Variants in OSBPL10 observed in about 807,000 individuals in gnomAD.
OSBPL10 encodes the protein oxysterol-binding protein-related protein 10.
In OSBPL10, 49 loss-of-function variants were observed where a neutral mutation model predicts 81.7. The observed-to-expected ratio is 0.60, with a 90% CI of 0.48 to 0.76. The LOEUF (loss-of-function observed/expected upper bound fraction) is 0.76. Ranked by LOEUF, OSBPL10 falls within the 30% of genes least tolerant of loss-of-function variation. OSBPL10 has a pLI of 0.00. For synonymous variants in OSBPL10, 419 were observed against 383.6 expected (o/e 1.09, Z -1.08); for missense variants, 923 against 987.8 (o/e 0.93, Z 0.88).
intron 6 of OSBPL10, chr3:31,733,026 G>C (rs1306542431): frequency 3.1e-5 from 18 of 572,266 alleles, no homozygotes; most frequent in Non-Finnish European, 5.4e-5. Context: ...AATGAAAATA[G>C]GAGATTCCTC....
intron 4 of OSBPL10, among the ~76,000 whole-genome samples, chr3:31,824,503 T>A (rs1340266300): frequency 6.6e-6 from 1 of 152,204 alleles, no homozygotes; most frequent in South Asian, 2.1e-4. Flanking sequence ...TGCTGACCGA[T>A]GGTTGCTACA....
chr3:32,014,155 T>C (rs951312563), intron 2 of OSBPL10, among the ~76,000 whole-genome samples: 1 of 152,154 alleles, frequency 6.6e-6, no homozygotes, highest in Non-Finnish European at 1.5e-5. Context: ...AAGAGAATTT[T>C]AGACCAATAT....
At chr3:32,074,471 A>G (rs541109072) in intron 1 of OSBPL10, among the ~76,000 whole-genome samples, 20 of 152,284 alleles carry the variant, frequency 1.3e-4, no homozygotes, top group Admixed American at 3.9e-4. Flanking sequence ...AGATGGGAGC[A>G]TTCCAACTTC....
intron 2 of OSBPL10, among the ~76,000 whole-genome samples, chr3:32,027,101 A>G (rs1699422611): frequency 6.6e-6 from 1 of 152,028 alleles, no homozygotes; most frequent in South Asian, 2.1e-4. Context: ...ACATAGGTAT[A>G]CACATACCAT....
intron 6 of OSBPL10, among the ~76,000 whole-genome samples, chr3:31,708,102 T>A (rs1385814674): frequency 1.3e-5 from 2 of 152,198 alleles, no homozygotes; most frequent in African/African-American, 2.4e-5. Flanking sequence ...TTAAAATTTT[T>A]AAATTTTTTA....
intron 1 of OSBPL10, among the ~76,000 whole-genome samples, chr3:32,068,136 A>G (rs993654303): frequency 2.6e-5 from 4 of 151,992 alleles, no homozygotes; most frequent in Non-Finnish European, 4.4e-5. Flanking sequence ...TTTCCTTCCA[A>G]TTCCAGTTGT....
intron 3 of OSBPL10, among the ~76,000 whole-genome samples, chr3:31,862,832 T>C (rs973283500): frequency 6.6e-6 from 1 of 152,164 alleles, no homozygotes; most frequent in Non-Finnish European, 1.5e-5. Flanking sequence ...TGTAAAATGG[T>C]GCAGCTGCTT....
intron 4 of OSBPL10, among the ~76,000 whole-genome samples, chr3:31,821,190 T>C (rs1213515706): frequency 1.3e-5 from 2 of 151,854 alleles, no homozygotes; most frequent in Admixed American, 1.3e-4. Flanking sequence ...GACAATGAGT[T>C]GAGGATTGGT....
chr3:31,931,014 C>CAAAAA (rs60251266), intron 1 of OSBPL10, among the ~76,000 whole-genome samples: 5 of 62,060 alleles, frequency 8.1e-5, no homozygotes, highest in African/African-American at 3.5e-4. Flanking sequence ...GACTCGGTCT[C>CAAAAA]AAAAAAAAAA....
At chr3:32,024,079 C>G (rs1280812365) in intron 2 of OSBPL10, among the ~76,000 whole-genome samples, 3 of 152,204 alleles carry the variant, frequency 2.0e-5, no homozygotes, top group African/African-American at 7.2e-5. Flanking sequence ...ATCCAATACC[C>G]TAATATCACA....
At chr3:31,962,745 C>T (rs535276638) in intron 1 of OSBPL10, among the ~76,000 whole-genome samples, 1 of 152,322 alleles carries the variant, frequency 6.6e-6, no homozygotes, top group Non-Finnish European at 1.5e-5. Context: ...CACATAAAGT[C>T]TTGTCTAGGG....
intron 2 of OSBPL10, chr3:31,990,279 T>A (rs747728301): frequency 6.2e-7 from 1 of 1,614,130 alleles, no homozygotes; most frequent in Non-Finnish European, 8.5e-7. Context: ...TTTATAAATG[T>A]AATGATTGTC....
chr3:31,715,171 C>G (rs1386650091), intron 6 of OSBPL10, among the ~76,000 whole-genome samples: 1 of 152,134 alleles, frequency 6.6e-6, no homozygotes, highest in Non-Finnish European at 1.5e-5. Context: ...AATCCAGAAG[C>G]TGTTAGTCAC....
chr3:31,702,293 G>C, intron 7 of OSBPL10, 66 bp downstream of exon 7: 1 of 1,552,998 alleles, frequency 6.4e-7, no homozygotes. Context: ...TGTGCATAGA[G>C]AAGGCTTGAG....
intron 4 of OSBPL10, among the ~76,000 whole-genome samples, chr3:31,788,513 G>A (rs1248234419): frequency 6.6e-6 from 1 of 152,096 alleles, no homozygotes; most frequent in Non-Finnish European, 1.5e-5. Context: ...AAGAAGCCTG[G>A]AAGACTAAAA....
At chr3:31,717,818 C>T (rs114381022) in intron 6 of OSBPL10, among the ~76,000 whole-genome samples, 2,266 of 152,280 alleles carry the variant, frequency 0.015, 36 homozygotes, top group South Asian at 0.035. Context: ...CCAAATGAGG[C>T]TCACTATGTC....
intron 2 of OSBPL10, among the ~76,000 whole-genome samples, chr3:32,018,968 G>A (rs934643901): frequency 1.3e-5 from 2 of 152,006 alleles, no homozygotes; most frequent in East Asian, 1.9e-4. Context: ...AGGGAGAAAT[G>A]AGAAAAATGA....
At chr3:31,984,525 G>T (rs1698906578), upstream of OSBPL10, among the ~76,000 whole-genome samples, 1 of 152,074 alleles carries the variant, frequency 6.6e-6, no homozygotes, top group African/African-American at 2.4e-5. Context: ...GGTGGCAACT[G>T]GTCCGTCAGA....
intron 5 of OSBPL10, among the ~76,000 whole-genome samples, chr3:31,738,320 T>A (rs1697250914): frequency 6.6e-6 from 1 of 152,026 alleles, no homozygotes; most frequent in Admixed American, 6.6e-5. Flanking sequence ...TTGGCAACAT[T>A]TTTGAATAAC....
Sources: gnomAD v4.1 joint callset for allele counts (sites outside exome capture counted in the v4.1 genomes callset) on GRCh38, gnomAD v4.1.1 for gene constraint, MANE v1.5 for transcripts, NCBI Gene and HGNC (gene_info 2026-07-23, HGNC 2026-07-21) for gene names.